NDUFA5: variants seen among roughly 807,000 people sequenced by gnomAD.
NDUFA5 encodes NADH:ubiquinone oxidoreductase subunit A5.
Under a neutral mutation model 19.8 loss-of-function variants are expected in NDUFA5, and 11 were observed. That is an observed-to-expected ratio of 0.56 (90% CI 0.35 to 0.92). The LOEUF (loss-of-function observed/expected upper bound fraction) is 0.92, where lower values mean the gene tolerates loss of function less well. Ranked by LOEUF, NDUFA5 falls within the 40% of genes least tolerant of loss-of-function variation. The pLI, the probability that NDUFA5 is intolerant of heterozygous loss-of-function variation, is 0.01. For synonymous variants in NDUFA5, 47 were observed against 46.8 expected, an observed-to-expected ratio of 1.00 and a Z score of -0.01; for missense variants, 109 against 134.2, an observed-to-expected ratio of 0.81 and a Z score of 0.93.
intron 2 of NDUFA5, chr7:123,556,967 G>GT (rs775242642): frequency 4.5e-6 from 2 of 448,802 alleles, no homozygotes; most frequent in East Asian, 6.5e-5. Context: ...AATTTTGTGG[G>GT]TTTTTTTGAT....
chr7:123,550,328 T>C (rs1325714491), intron 3 of NDUFA5, 142 bp downstream of exon 3: 5 of 621,824 alleles, frequency 8.0e-6, no homozygotes, highest in Non-Finnish European at 1.4e-5. Context: ...AAGAGTTTGC[T>C]GAATAAAAGG....
chr7:123,594,074 T>C, the NDUFA5 span, among the ~76,000 whole-genome samples: 3 of 152,128 alleles, frequency 2.0e-5, no homozygotes, highest in African/African-American at 4.8e-5. Flanking sequence ...TCAAATCAGC[T>C]ACTGAAGCTT....
chr7:123,581,053 CAGT>C, the NDUFA5 span, among the ~76,000 whole-genome samples: 2 of 151,912 alleles, frequency 1.3e-5, no homozygotes, highest in Non-Finnish European at 2.9e-5. Flanking sequence ...CAGCTTGTTG[CAGT>C]AGAACTGTCT....
rs759662678 is a variant in NDUFA5, at chr7:123,550,569, G to A, written c.84C>T (p.Tyr28=). 1.9e-6 allele frequency: 3 copies of A among 1,600,244 alleles called. No individual in the cohort carries two copies. The highest frequency in any genetic ancestry group is 2.2e-5 in the South Asian group (2 of 90,398). ...NTPHERLRIL[Y]TKILDVLEEI... Reference sequence around the variant, plus strand: ...CCTCAAGAACATCAAGAATCTTTGTGTACAATATTCTTAGCCTCTGAAAAG... The same window carrying A: ...CCTCAAGAACATCAAGAATCTTTGTATACAATATTCTTAGCCTCTGAAAAG... Residue 28 remains tyrosine, a synonymous_variant, in exon 3 of 5, where the codon TAC becomes TAT. Coordinates refer to ENST00000355749, the MANE Select transcript of NDUFA5 (RefSeq NM_005000.5).
At chr7:123,577,672 A>T in the NDUFA5 span, among the ~76,000 whole-genome samples, 1 of 152,172 alleles carries the variant, frequency 6.6e-6, no homozygotes, top group Admixed American at 6.6e-5. Flanking sequence ...GTTGAACAAT[A>T]CAGAGTCAAA....
chr7:123,584,460 T>A, the NDUFA5 span, among the ~76,000 whole-genome samples: 1 of 151,944 alleles, frequency 6.6e-6, no homozygotes, highest in African/African-American at 2.4e-5. Flanking sequence ...TAAGAACAAC[T>A]GCTCTATGGA....
the NDUFA5 span, among the ~76,000 whole-genome samples, chr7:123,588,599 CT>C: frequency 7.1e-6 from 1 of 140,914 alleles, no homozygotes; most frequent in Admixed American, 7.2e-5. Context: ...TCCTTTCTGT[CT>C]TTTTTCTACT....
At position 123,537,311 on chromosome 7, in the gene NDUFA5, TTAAAATGAA is replaced by T. The variant is rs1204114979; in HGVS notation, c.*4799_*4807del. The T allele has an allele frequency of 6.6e-6, 1 of 152,118 alleles. No homozygotes were observed. Among genetic ancestry groups the T allele is most frequent in the African/African-American group, 2.4e-5 (1 of 41,438 alleles). 9.4% of individuals were successfully genotyped at this position (152,118 alleles called of 1,614,324 possible). A position where few individuals can be genotyped will look rare whatever the true frequency, so the allele number is the denominator to read the frequency against. ...AAGTATCTCCTGTTGTTACTACAGG[TTAAAATGAA>T]TAATGAATATTTTTAATATTAAAAT... On this transcript the variant is annotated 3_prime_UTR_variant, in exon 5 of 5. Coordinates refer to ENST00000355749, the MANE Select transcript of NDUFA5 (RefSeq NM_005000.5).
chr7:123,577,609 A>G, the NDUFA5 span, among the ~76,000 whole-genome samples: 1 of 152,168 alleles, frequency 6.6e-6, no homozygotes, highest in Non-Finnish European at 1.5e-5. Context: ...GAAAACTCCA[A>G]AATGTGGTCC....
the NDUFA5 span, among the ~76,000 whole-genome samples, chr7:123,565,265 C>A: frequency 7.4e-4 from 113 of 152,244 alleles, no homozygotes; most frequent in African/African-American, 2.6e-3. Flanking sequence ...ATGATGGCCA[C>A]CTTATTGGTG....
chr7:123,555,190 C>G (rs1431489193), intron 2 of NDUFA5: 1 of 152,094 alleles, frequency 6.6e-6, no homozygotes, highest in African/African-American at 2.4e-5. Flanking sequence ...TTCTGCATTC[C>G]AAGTTAAAGC....
intron 4 of NDUFA5, among the ~76,000 whole-genome samples, chr7:123,542,681 T>G (rs551437764): frequency 6.6e-6 from 1 of 152,266 alleles, no homozygotes; most frequent in South Asian, 2.1e-4. Context: ...TTCTATTGTG[T>G]TTTTTTAAGC....
the NDUFA5 span, among the ~76,000 whole-genome samples, chr7:123,568,003 C>T: frequency 0.011 from 1,735 of 152,054 alleles, 18 homozygotes; most frequent in Middle Eastern, 0.041. Context: ...AGTGTCCATA[C>T]TCAAATAATT....
At chr7:123,592,109 T>C in the NDUFA5 span, among the ~76,000 whole-genome samples, 2 of 152,124 alleles carry the variant, frequency 1.3e-5, no homozygotes, top group Non-Finnish European at 2.9e-5. Flanking sequence ...AGTATTCTGA[T>C]AGTAGTTTGT....
At chr7:123,597,431 A>T in the NDUFA5 span, among the ~76,000 whole-genome samples, 1 of 152,184 alleles carries the variant, frequency 6.6e-6, no homozygotes, top group Non-Finnish European at 1.5e-5. Flanking sequence ...TGCTTTATTT[A>T]TAAATTAAAC....
At chr7:123,545,831 C>T in intron 3 of NDUFA5, 155 bp from the exon 4 acceptor site, 1 of 559,056 alleles carries the variant, frequency 1.8e-6, no homozygotes, top group Non-Finnish European at 3.1e-6. Flanking sequence ...ATTCATTTCA[C>T]CTCTGCTATT....
At chr7:123,569,134 G>C in the NDUFA5 span, among the ~76,000 whole-genome samples, 1 of 151,976 alleles carries the variant, frequency 6.6e-6, no homozygotes, top group African/African-American at 2.4e-5. Context: ...AGGATTCTGG[G>C]GACCTGTCAG....
intron 2 of NDUFA5, chr7:123,555,706 C>T (rs996594635): frequency 1.3e-5 from 2 of 152,162 alleles, no homozygotes; most frequent in African/African-American, 4.8e-5. Flanking sequence ...TACTATGTGA[C>T]AGAGTTCTAG....
the NDUFA5 span, chr7:123,596,351 C>A: frequency 6.6e-6 from 1 of 152,020 alleles, no homozygotes. Flanking sequence ...GTGGCTCATA[C>A]CTGTGATCCC....
Sources: gnomAD v4.1 joint callset for allele counts (sites outside exome capture counted in the v4.1 genomes callset) on GRCh38, gnomAD v4.1.1 for gene constraint, MANE v1.5 for transcripts, NCBI Gene and HGNC (gene_info 2026-07-23, HGNC 2026-07-21) for gene names.